Variants in ARHGAP1 observed in about 807,000 individuals in gnomAD.
The protein encoded by ARHGAP1 is rho GTPase-activating protein 1.
ARHGAP1 carries 23 observed loss-of-function variants against 52.2 expected under a neutral mutation model. The ratio of observed to expected loss-of-function variants is 0.44; its 90% CI spans 0.32 to 0.62. The LOEUF is 0.62. Among genes scored for constraint, ARHGAP1 ranks in the 20% least tolerant of loss-of-function variants. The probability of loss-of-function intolerance (pLI) is 0.05; values close to 1 mark genes in which losing one functional copy is unlikely to be tolerated. For synonymous variants in ARHGAP1, 210 were observed against 228.4 expected (o/e 0.92, Z 0.73); for missense variants, 480 against 560.9 (o/e 0.86, Z 1.46).
chr11:46,677,955 A>G lies in ARHGAP1; in HGVS notation c.*1082T>C, dbSNP rs534743131. On this transcript the variant is annotated 3_prime_UTR_variant, in exon 13 of 13. Coordinates refer to ENST00000311956, the MANE Select transcript of ARHGAP1 (RefSeq NM_004308.5). The stretch of plus-strand genomic sequence containing the variant: ...GAGACTCCATCTCAGAAAAAAAAAA[A>G]AAAAGGTGGCCCTAGAGCCCCTTAA... The G allele has an allele frequency of 1.0e-3, 450 of 445,872 alleles. No individual in the cohort carries two copies. Among genetic ancestry groups the G allele is most frequent in the Non-Finnish European group, 1.5e-3 (333 of 224,056 alleles). 27.6% of individuals were successfully genotyped at this position (445,872 alleles called of 1,614,324 possible).
chr11:46,680,994 C>T lies in ARHGAP1; in HGVS notation c.635+17G>A, dbSNP rs1259843174. 11 of 1,611,428 alleles carry T rather than the reference C, an allele frequency of 6.8e-6. No homozygotes were observed. The highest frequency in any genetic ancestry group is 2.7e-5 in the African/African-American group (2 of 74,888). ...TACCCTGGCTTCACGAGCCCCCAGC[C>T]GCCGCACCCGCCTCACTTGAGCACT... On this transcript the variant is annotated intron_variant, in intron 7 of 12. Transcript: ENST00000311956. This position sits in a 1 kb window ranked among gnomAD's most constrained non-coding sequence, Gnocchi z 5.9.
In ARHGAP1 at chr11:46,696,390, C is replaced by T. The variant is rs149403541; in HGVS notation, c.-49-234G>A. Among the ~76,000 whole-genome samples, 4 of 152,300 alleles carry T rather than the reference C, an allele frequency of 2.6e-5. No individual in the cohort carries two copies. The East Asian group carries it at 7.7e-4, about 29-fold the overall frequency. ...GGCAGAGGATGGCACAGCTCAGCGC[C>T]TCCCTCCAGGCCCTGCAGCTGGGGA... On this transcript the variant is annotated intron_variant, in intron 1 of 12. Transcript: ENST00000311956. The surrounding 1 kb of genome is among the most constrained non-coding windows in gnomAD (Gnocchi z 4.8).
chr11:46,700,214 C>T (rs1282825283), intron 1 of ARHGAP1, among the ~76,000 whole-genome samples: 1 of 152,216 alleles, frequency 6.6e-6, no homozygotes. Context: ...AGGAGGAACA[C>T]TTCCCCCAAA....
intron 4 of ARHGAP1, among the ~76,000 whole-genome samples, chr11:46,683,862 A>C (rs574198178): frequency 2.6e-5 from 4 of 151,758 alleles, no homozygotes; most frequent in East Asian, 3.9e-4. Context: ...CTGGTCTCCA[A>C]CTCCCAACCT....
At position 46,678,132 on chromosome 11, in the gene ARHGAP1, A is replaced by C. The variant is rs2064494521; in HGVS notation, c.*905T>G. On this transcript the variant is annotated 3_prime_UTR_variant, in exon 13 of 13. Transcript: ENST00000311956. ...CCATAAGATCCTGAGGCACTGAGTC[A>C]CCTCTGGCTGGGGCAGGGGCCAGTG... 2 of 291,286 alleles carry C rather than the reference A, an allele frequency of 6.9e-6. No homozygotes were observed. The highest frequency in any genetic ancestry group is 2.3e-5 in the African/African-American group (1 of 42,870). The allele number at this position is 291,286 out of a possible 1,614,324, so 18.0% of individuals were successfully genotyped here.
In ARHGAP1 at chr11:46,679,839, C is replaced by A. The variant is rs1035764372; in HGVS notation, c.899-63G>T. 6 of 1,602,450 alleles carry A rather than the reference C, an allele frequency of 3.7e-6. No individual in the cohort carries two copies. The highest frequency in any genetic ancestry group is 5.1e-6 in the Non-Finnish European group (6 of 1,176,608). On this transcript the variant is annotated intron_variant, in intron 10 of 12. Transcript: ENST00000311956. This position sits in a 1 kb window ranked among gnomAD's most constrained non-coding sequence, Gnocchi z 4.4. ...CTGAAGGGCAGCACCCATCTGCAGA[C>A]AACGCGGGCCGCACTGCCTGACTGC...
chr11:46,681,316 G>A lies in ARHGAP1; in HGVS notation c.513C>T (p.Leu171=). The A allele has an allele frequency of 6.2e-7, 1 of 1,613,776 alleles. No homozygotes were observed. Residue 171 remains leucine (L), a synonymous_variant, in exon 6 of 13, where the codon CTC becomes CTT. Coordinates refer to ENST00000311956, the MANE Select transcript of ARHGAP1 (RefSeq NM_004308.5). This position sits in a 1 kb window ranked among gnomAD's most constrained non-coding sequence, Gnocchi z 5.7. ...ACCTGATGAGGGGCTTGAAGAGGAT[G>A]AGCAGAGTTTTGATGAACATGGTTG... ...VHPTMFIKTL[L]ILFKPLISFK...
Position 46,680,156 on chromosome 11 carries a change from C to A in ARHGAP1, c.898+49G>T. 6.3e-7 allele frequency: 1 copy of A among 1,584,554 alleles called. No individual in the cohort carries two copies. The highest frequency in any genetic ancestry group is 8.7e-7 in the Non-Finnish European group (1 of 1,153,618). On this transcript the variant is annotated intron_variant, in intron 10 of 12. Transcript: ENST00000311956. This position sits in a 1 kb window ranked among gnomAD's most constrained non-coding sequence, Gnocchi z 5.9. The stretch of plus-strand genomic sequence containing the variant: ...CAGGGCAGCAGAGGGCAGAGAAGCC[C>A]CCTACCAGTAACACACATATGGCCC...
At chr11:46,687,903 A>C (rs890544943) in intron 4 of ARHGAP1, 1 of 415,818 alleles carries the variant, frequency 2.4e-6, no homozygotes, top group African/African-American at 2.0e-5. Context: ...ACAAGGAAAG[A>C]GGCCTATATT....
Position 46,681,237 on chromosome 11 carries a change from C to T in ARHGAP1, c.536+56G>A. 1 of 1,569,692 alleles carries T rather than the reference C, an allele frequency of 6.4e-7. No homozygotes were observed. The highest frequency in any genetic ancestry group is 8.8e-7 in the Non-Finnish European group (1 of 1,139,688). ...GGTGGTCCCCAGGCTGCCCAGCCTC[C>T]CAGCTTCAGAGTTCCAGGCAAGCCG... On this transcript the variant is annotated intron_variant, in intron 6 of 12. Coordinates refer to ENST00000311956, the MANE Select transcript of ARHGAP1 (RefSeq NM_004308.5). This position sits in a 1 kb window ranked among gnomAD's most constrained non-coding sequence, Gnocchi z 5.7.
intron 3 of ARHGAP1, among the ~76,000 whole-genome samples, chr11:46,689,772 G>A (rs1440996753): frequency 1.3e-5 from 2 of 151,928 alleles, no homozygotes; most frequent in African/African-American, 2.4e-5. Flanking sequence ...AACTCCTGAC[G>A]TCACGATCCA....
At chr11:46,691,124 T>A (rs2064611336) in intron 3 of ARHGAP1, among the ~76,000 whole-genome samples, 1 of 152,056 alleles carries the variant, frequency 6.6e-6, no homozygotes, top group Non-Finnish European at 1.5e-5. Context: ...CTGCCTCAGC[T>A]TTCCAGTAGC....
At chr11:46,685,222 T>C (rs984853346) in intron 4 of ARHGAP1, among the ~76,000 whole-genome samples, 3 of 151,902 alleles carry the variant, frequency 2.0e-5, no homozygotes, top group Non-Finnish European at 2.9e-5. Context: ...AGACCTTTTT[T>C]TTTTCACAGT....
In ARHGAP1 at chr11:46,680,169, A is replaced by G. The variant is rs769355928; in HGVS notation, c.898+36T>C. The G allele has an allele frequency of 2.5e-6, 4 of 1,604,046 alleles. No individual in the cohort carries two copies. Among genetic ancestry groups the G allele is most frequent in the Non-Finnish European group, 3.4e-6 (4 of 1,171,096 alleles). ...GGCAGAGAAGCCCCCTACCAGTAAC[A>G]CACATATGGCCCTGCAACAGCCCAG... On this transcript the variant is annotated intron_variant, in intron 10 of 12. Coordinates refer to ENST00000311956, the MANE Select transcript of ARHGAP1 (RefSeq NM_004308.5). The surrounding 1 kb of genome is among the most constrained non-coding windows in gnomAD (Gnocchi z 5.9).
rs1016926477 is a variant in ARHGAP1 at position 46,680,622 on chromosome 11, G to A, written c.743+18C>T. ...GCCCTTCCCGCCCCGCCGTGGCCCA[G>A]CCACCTTTCATACTTACTGCTGCAG... On this transcript the variant is annotated intron_variant, in intron 8 of 12. Coordinates refer to ENST00000311956, the MANE Select transcript of ARHGAP1 (RefSeq NM_004308.5). This position sits in a 1 kb window ranked among gnomAD's most constrained non-coding sequence, Gnocchi z 5.9. 1.9e-6 allele frequency: 3 copies of A among 1,613,452 alleles called. No individual in the cohort carries two copies. The highest frequency in any genetic ancestry group is 2.5e-6 in the Non-Finnish European group (3 of 1,179,482).
At chr11:46,695,572 A>C (rs1007043396) in intron 3 of ARHGAP1, 88 bp downstream of exon 3, 103 of 1,358,996 alleles carry the variant, frequency 7.6e-5, no homozygotes, top group Admixed American at 1.6e-4. Flanking sequence ...GTCAGACTGC[A>C]GAGAGGCCCT....
intron 1 of ARHGAP1, among the ~76,000 whole-genome samples, chr11:46,699,684 C>T (rs1565692325): frequency 6.7e-6 from 1 of 150,086 alleles, no homozygotes; most frequent in Non-Finnish European, 1.5e-5. Flanking sequence ...GCCTGGGCGA[C>T]AGAGTGAGAC....
intron 3 of ARHGAP1, among the ~76,000 whole-genome samples, chr11:46,691,515 G>A (rs1333770382): frequency 2.7e-5 from 4 of 148,650 alleles, no homozygotes; most frequent in Admixed American, 6.8e-5. Flanking sequence ...GCAATGGCGC[G>A]ATCTCGGCTC....
At position 46,679,212 on chromosome 11, in the gene ARHGAP1, C is replaced by G; in HGVS notation, c.1145G>C (p.Ser382Thr). ...TAFLVQISAH[S>T]DQNKMTNTNL... Reference sequence around the variant, plus strand: ...AGTGTTGGTCATCTTGTTCTGGTCACTGTGTGCAGAAATCTGTGGAGGGAA... The same window carrying G: ...AGTGTTGGTCATCTTGTTCTGGTCAGTGTGTGCAGAAATCTGTGGAGGGAA... The change falls in exon 13 of 13, where the codon AGT (serine) becomes ACT (threonine). Residue 382 changes from serine to threonine, a missense_variant. Physicochemically the swap from Ser to Thr is moderately conservative, Grantham distance 58 (BLOSUM62 1). Coordinates refer to ENST00000311956, the MANE Select transcript of ARHGAP1 (RefSeq NM_004308.5). This position sits in a 1 kb window ranked among gnomAD's most constrained non-coding sequence, Gnocchi z 4.4. 6.2e-7 allele frequency: 1 copy of G among 1,604,264 alleles called. No homozygotes were observed. The highest frequency in any genetic ancestry group is 1.1e-5 in the South Asian group (1 of 89,616).
Sources: gnomAD v4.1 joint callset for allele counts (sites outside exome capture counted in the v4.1 genomes callset) on GRCh38, gnomAD v4.1.1 for gene constraint, Gnocchi (gnomAD v3.1) non-coding constraint, MANE v1.5 for transcripts, NCBI Gene and HGNC (gene_info 2026-07-23, HGNC 2026-07-21) for gene names.